The following DGCR2 variants were observed in gnomAD, a reference collection of about 807,000 sequenced individuals.
DGCR2 encodes DiGeorge syndrome critical region gene 2, also known as integral membrane protein DGCR2/IDD.
A neutral mutation model predicts 51.6 loss-of-function variants in DGCR2; 24 were observed. The ratio of observed to expected loss-of-function variants is 0.47; its 90% CI spans 0.34 to 0.65. The LOEUF (loss-of-function observed/expected upper bound fraction) is 0.65. Ranked by LOEUF, DGCR2 falls within the 30% of genes least tolerant of loss-of-function variation. DGCR2 has a pLI of 0.01. For synonymous variants in DGCR2, 340 were observed against 315.4 expected (o/e 1.08, Z -0.82); for missense variants, 765 against 772.1 (o/e 0.99, Z 0.11).
At chr22:19,052,489 G>A (rs770853146) in intron 6 of DGCR2, among the ~76,000 whole-genome samples, 2 of 152,018 alleles carry the variant, frequency 1.3e-5, no homozygotes, top group Admixed American at 6.6e-5. Context: ...ACCTGTATGC[G>A]GATGTTCACG....
Position 19,064,925 on chromosome 22 carries a change from A to C in DGCR2, c.471T>G (p.Thr157=). ...CCAGGACAAAGCGCAGCTCCTGGTC[A>C]GTGGAGAAGGTGGCGAGAGAGCCAT... is the stretch of plus-strand genomic sequence containing the variant. ...RLNGSLATFS[T]DQELRFVLAQ... is the part of the protein sequence containing the mutation. The change falls in exon 4 of 10, where the codon ACT becomes ACG. Residue 157 remains threonine, a synonymous_variant. Transcript: ENST00000263196. The C allele has an allele frequency of 6.2e-7, 1 of 1,614,042 alleles. No individual in the cohort carries two copies. Among genetic ancestry groups the C allele is most frequent in the Non-Finnish European group, 8.5e-7 (1 of 1,180,040 alleles).
At chr22:19,104,530 C>T (rs1352794910) in intron 1 of DGCR2, among the ~76,000 whole-genome samples, 1 of 152,342 alleles carries the variant, frequency 6.6e-6, no homozygotes, top group African/African-American at 2.4e-5. Flanking sequence ...TCCACAGTTA[C>T]ATCACTAAGA....
intron 6 of DGCR2, among the ~76,000 whole-genome samples, chr22:19,051,934 C>G (rs1246767682): frequency 6.6e-6 from 1 of 152,160 alleles, no homozygotes; most frequent in Non-Finnish European, 1.5e-5. Flanking sequence ...ATAGTGAAAA[C>G]AGTAAGCGCT....
chr22:19,063,091 G>GTCC, intron 5 of DGCR2, 111 bp downstream of exon 5: 1 of 1,039,410 alleles, frequency 9.6e-7, no homozygotes, highest in Non-Finnish European at 1.5e-6. Context: ...CCCACTCCCT[G>GTCC]CACAGCACCC....
At chr22:19,040,855 C>T (rs1342491908) in intron 9 of DGCR2, among the ~76,000 whole-genome samples, 1 of 152,182 alleles carries the variant, frequency 6.6e-6, no homozygotes, top group Non-Finnish European at 1.5e-5. Flanking sequence ...GCTCTCTGCA[C>T]AGATTGCCAA....
At chr22:19,062,160 A>G (rs2082670601) in intron 5 of DGCR2, among the ~76,000 whole-genome samples, 1 of 152,234 alleles carries the variant, frequency 6.6e-6, no homozygotes, top group South Asian at 2.1e-4. Context: ...AGTCAATAGC[A>G]ATCTAAACAA....
chr22:19,116,187 A>C (rs1000857067), intron 1 of DGCR2, among the ~76,000 whole-genome samples: 5 of 152,214 alleles, frequency 3.3e-5, no homozygotes, highest in African/African-American at 1.2e-4. Context: ...GGCTTGATCT[A>C]ATCCCAGCTG....
chr22:19,069,846 T>C (rs539248913), intron 2 of DGCR2, among the ~76,000 whole-genome samples: 5 of 152,164 alleles, frequency 3.3e-5, no homozygotes, highest in African/African-American at 9.7e-5. Flanking sequence ...GTCAGGCATG[T>C]GATGGGGATG....
At chr22:19,101,698 G>C (rs899345413) in intron 1 of DGCR2, among the ~76,000 whole-genome samples, 1 of 132,720 alleles carries the variant, frequency 7.5e-6, no homozygotes, top group Non-Finnish European at 1.6e-5. Flanking sequence ...CCAAGGTCAC[G>C]CCATTGCACT....
At chr22:19,049,449 C>G (rs970096803) in intron 6 of DGCR2, among the ~76,000 whole-genome samples, 1 of 152,144 alleles carries the variant, frequency 6.6e-6, no homozygotes. Flanking sequence ...GAGAAGGTAG[C>G]TTCTTACAGT....
At chr22:19,106,297 T>C (rs1480287067) in intron 1 of DGCR2, among the ~76,000 whole-genome samples, 2 of 152,076 alleles carry the variant, frequency 1.3e-5, no homozygotes, top group African/African-American at 4.8e-5. Flanking sequence ...TTAGGAACAA[T>C]CCTGGGAGGT....
chr22:19,061,318 A>T (rs2145960410), intron 5 of DGCR2: 1 of 153,454 alleles, frequency 6.5e-6, no homozygotes, highest in African/African-American at 2.4e-5. Flanking sequence ...TTTTAAAACG[A>T]TTCCACTATG....
At chr22:19,076,617 G>C (rs1411601574) in intron 2 of DGCR2, among the ~76,000 whole-genome samples, 1 of 151,642 alleles carries the variant, frequency 6.6e-6, no homozygotes, top group African/African-American at 2.4e-5. Flanking sequence ...TCTAATGGCT[G>C]TGAGCTATTT....
intron 6 of DGCR2, among the ~76,000 whole-genome samples, chr22:19,050,775 C>G (rs958045326): frequency 1.3e-5 from 2 of 152,194 alleles, no homozygotes; most frequent in Admixed American, 6.5e-5. Context: ...TTAAAACACT[C>G]ATTCGAAACA....
At chr22:19,069,981 T>G (rs755169511) in intron 2 of DGCR2, among the ~76,000 whole-genome samples, 1 of 152,088 alleles carries the variant, frequency 6.6e-6, no homozygotes, top group Non-Finnish European at 1.5e-5. Context: ...TTGGTAGAGG[T>G]GTCTTTGGGG....
intron 2 of DGCR2, among the ~76,000 whole-genome samples, chr22:19,072,179 G>A (rs115526411): frequency 0.012 from 1,753 of 152,124 alleles, 39 homozygotes; most frequent in African/African-American, 0.04. Context: ...TGAAAATCAG[G>A]GTTCTTTACT....
intron 1 of DGCR2, among the ~76,000 whole-genome samples, chr22:19,119,882 C>A (rs2146068045): frequency 6.6e-6 from 1 of 152,208 alleles, no homozygotes. Context: ...CCCCACCAGG[C>A]AGGAGTCAGA....
chr22:19,093,588 AC>A (rs1411502916), intron 1 of DGCR2, among the ~76,000 whole-genome samples: 1 of 152,230 alleles, frequency 6.6e-6, no homozygotes, highest in African/African-American at 2.4e-5. Flanking sequence ...TAATGCATAG[AC>A]AAACCACACA....
chr22:19,074,769 A>G (rs946332291), intron 2 of DGCR2, among the ~76,000 whole-genome samples: 2 of 152,216 alleles, frequency 1.3e-5, no homozygotes, highest in African/African-American at 4.8e-5. Flanking sequence ...GTAGACAATC[A>G]AAATCAGTTC....
Sources: allele counts gnomAD v4.1 joint callset (sites outside exome capture counted in the v4.1 genomes callset), GRCh38; gene constraint gnomAD v4.1.1; transcripts MANE v1.5; gene names NCBI Gene and HGNC (gene_info 2026-07-23, HGNC 2026-07-21).